The following IQCM variants were observed in gnomAD, a reference collection of about 807,000 sequenced individuals.
The protein encoded by IQCM is IQ motif containing M.
IQCM carries 45 observed loss-of-function variants against 57.6 expected under a neutral mutation model. That is an observed-to-expected ratio of 0.78 (90% CI 0.62 to 1.00). The LOEUF (loss-of-function observed/expected upper bound fraction) is 1.00, where lower values mean the gene tolerates loss of function less well. Among genes scored for constraint, IQCM ranks in the 50% least tolerant of loss-of-function variants. The pLI is 0.00. For missense variants in IQCM, 468 were observed against 511.6 expected, an observed-to-expected ratio of 0.91 and a Z score of 0.82; for synonymous variants, 148 against 158.9, an observed-to-expected ratio of 0.93 and a Z score of 0.51.
chr4:149,714,329 T>G (rs1296423910), intron 5 of IQCM, among the ~76,000 whole-genome samples: 1 of 152,182 alleles, frequency 6.6e-6, no homozygotes, highest in Non-Finnish European at 1.5e-5. Context: ...CTCCACAGCT[T>G]ACTACTCAGA....
intron 7 of IQCM, among the ~76,000 whole-genome samples, chr4:149,664,436 G>C (rs546688808): frequency 9.2e-5 from 14 of 152,178 alleles, no homozygotes; most frequent in African/African-American, 3.4e-4. Context: ...TAACTTTATG[G>C]AGTAGCTTTT....
chr4:149,523,529 A>G (rs1320963327), intron 12 of IQCM, among the ~76,000 whole-genome samples: 1 of 152,180 alleles, frequency 6.6e-6, no homozygotes, highest in Non-Finnish European at 1.5e-5. Flanking sequence ...TTGAGACTAC[A>G]TACCCAAGTA....
At chr4:149,477,847 G>A (rs960310213) in intron 12 of IQCM, among the ~76,000 whole-genome samples, 1 of 152,216 alleles carries the variant, frequency 6.6e-6, no homozygotes, top group Non-Finnish European at 1.5e-5. Context: ...TGGGAGGAGT[G>A]AATGGTATGG....
At chr4:149,743,233 C>G (rs1767625014) in intron 2 of IQCM, among the ~76,000 whole-genome samples, 1 of 152,138 alleles carries the variant, frequency 6.6e-6, no homozygotes, top group Non-Finnish European at 1.5e-5. Context: ...TTTATGCCAG[C>G]CTTCCACTCA....
chr4:149,419,927 C>T (rs545382986), intron 13 of IQCM, among the ~76,000 whole-genome samples: 9 of 152,034 alleles, frequency 5.9e-5, no homozygotes, highest in Admixed American at 2.0e-4. Context: ...AAATGCAAAT[C>T]GAAACCACAA....
intron 12 of IQCM, among the ~76,000 whole-genome samples, chr4:149,510,701 G>A (rs1336169609): frequency 1.3e-5 from 2 of 152,084 alleles, no homozygotes; most frequent in South Asian, 4.1e-4. Context: ...ACAGTTCTGA[G>A]GAATACTAGT....
At chr4:149,635,304 CAGTT>C (rs922833266) in intron 7 of IQCM, among the ~76,000 whole-genome samples, 3 of 152,194 alleles carry the variant, frequency 2.0e-5, no homozygotes, top group South Asian at 4.1e-4. Flanking sequence ...GAACTATTCT[CAGTT>C]AGAGCAAAGC....
intron 13 of IQCM, among the ~76,000 whole-genome samples, chr4:149,375,707 C>A (rs928622805): frequency 1.3e-5 from 2 of 152,026 alleles, no homozygotes; most frequent in Non-Finnish European, 2.9e-5. Flanking sequence ...TAAATATTTC[C>A]ATTTAATTCA....
At chr4:149,448,254 C>A (rs925570881) in intron 12 of IQCM, among the ~76,000 whole-genome samples, 45 of 151,470 alleles carry the variant, frequency 3.0e-4, no homozygotes, top group African/African-American at 1.1e-3. Flanking sequence ...AGAAACTATA[C>A]AACATTTCTA....
At chr4:149,796,091 G>GT (rs1428561613) in intron 2 of IQCM, among the ~76,000 whole-genome samples, 1 of 152,162 alleles carries the variant, frequency 6.6e-6, no homozygotes, top group East Asian at 1.9e-4. Flanking sequence ...CAAGGGTAGA[G>GT]TACCAAGTGG....
At chr4:149,768,200 A>G (rs1411618670) in intron 2 of IQCM, among the ~76,000 whole-genome samples, 2 of 152,180 alleles carry the variant, frequency 1.3e-5, no homozygotes, top group Admixed American at 1.3e-4. Context: ...GTTAGATTAA[A>G]TTGTTAGTAA....
chr4:149,758,958 T>C (rs1268681218), intron 2 of IQCM, among the ~76,000 whole-genome samples: 1 of 150,202 alleles, frequency 6.7e-6, no homozygotes, highest in African/African-American at 2.5e-5. Context: ...TAGTATTTCC[T>C]CAAAGAGTTT....
chr4:149,355,836 T>C (rs1215997701), intron 13 of IQCM, among the ~76,000 whole-genome samples: 2 of 152,112 alleles, frequency 1.3e-5, no homozygotes, highest in African/African-American at 4.8e-5. Context: ...TCCACAATGG[T>C]TGAACTAGTT....
chr4:149,664,642 A>G (rs1448122528), intron 7 of IQCM, among the ~76,000 whole-genome samples: 1 of 152,140 alleles, frequency 6.6e-6, no homozygotes, highest in Non-Finnish European at 1.5e-5. Flanking sequence ...TGTTGGGGAC[A>G]CGGGCACTGG....
At chr4:149,717,726 A>T (rs1405678197) in intron 5 of IQCM, among the ~76,000 whole-genome samples, 1 of 152,234 alleles carries the variant, frequency 6.6e-6, no homozygotes, top group African/African-American at 2.4e-5. Context: ...TGGCAAAAAT[A>T]ATTATGGGTC....
At chr4:149,591,455 G>GTT (rs201807255) in intron 8 of IQCM, among the ~76,000 whole-genome samples, 4 of 146,650 alleles carry the variant, frequency 2.7e-5, no homozygotes, top group Non-Finnish European at 6.1e-5. Context: ...GTGGTTAAAG[G>GTT]TTTTTTTTTT....
intron 9 of IQCM, among the ~76,000 whole-genome samples, chr4:149,587,299 T>G (rs540958987): frequency 1.3e-5 from 2 of 151,930 alleles, no homozygotes; most frequent in East Asian, 3.9e-4. Flanking sequence ...CTTCAAATAT[T>G]CTTTTTTTAG....
chr4:149,464,349 T>C (rs913236143), intron 12 of IQCM, among the ~76,000 whole-genome samples: 18 of 152,156 alleles, frequency 1.2e-4, no homozygotes, highest in African/African-American at 3.4e-4. Flanking sequence ...AATCCAGGAT[T>C]CAGATCCTTC....
At chr4:149,486,127 A>G (rs1477207871) in intron 12 of IQCM, among the ~76,000 whole-genome samples, 1 of 150,082 alleles carries the variant, frequency 6.7e-6, no homozygotes, top group Admixed American at 6.7e-5. Context: ...CCCTGTGATC[A>G]CTACCACTAT....
Sources: allele counts gnomAD v4.1 joint callset (sites outside exome capture counted in the v4.1 genomes callset), GRCh38; gene constraint gnomAD v4.1.1; transcripts MANE v1.5; gene names NCBI Gene and HGNC (gene_info 2026-07-23, HGNC 2026-07-21).